Variants in PDE4D observed in about 807,000 individuals in gnomAD.
PDE4D encodes the protein 3',5'-cyclic-AMP phosphodiesterase 4D.
In PDE4D, 24 loss-of-function variants were observed where a neutral mutation model predicts 87.4. That is an observed-to-expected ratio of 0.27 (90% CI 0.20 to 0.39). The LOEUF is 0.39. PDE4D is among the 10% of genes least tolerant of loss of function. The pLI, the probability that PDE4D is intolerant of heterozygous loss-of-function variation, is 1.00. For synonymous variants in PDE4D, 384 were observed against 383.2 expected, an observed-to-expected ratio of 1.00 and a Z score of -0.02; for missense variants, 714 against 1,041.0, an observed-to-expected ratio of 0.69 and a Z score of 4.32.
At position 59,592,945 on chromosome 5, in the gene PDE4D, AAC is replaced by A. The variant is rs1826115880; in HGVS notation, c.455+300221_455+300222del. Among the ~76,000 whole-genome samples the A allele has an allele frequency of 2.0e-5, 3 of 152,082 alleles. No homozygotes were observed. In the South Asian group the frequency reaches 6.2e-4, roughly 32 times the overall value. ...TTATCCGTAGCATGGAAGTAATACA[AAC>A]ACTTAGATTATTATAATTTTAACTT... On this transcript the variant is annotated intron_variant, in intron 1 of 14. Transcript: ENST00000340635.
intron 4 of PDE4D, among the ~76,000 whole-genome samples, chr5:59,184,669 T>C (rs980324584): frequency 9.2e-5 from 14 of 152,196 alleles, no homozygotes; most frequent in South Asian, 2.1e-4. Context: ...CCTGAAATGA[T>C]AATCCTTTCC....
At chr5:59,111,210 T>A (rs948464185) in intron 5 of PDE4D, among the ~76,000 whole-genome samples, 6 of 152,200 alleles carry the variant, frequency 3.9e-5, no homozygotes, top group African/African-American at 1.2e-4. Context: ...TGCAAACTAG[T>A]GAGAAGTGGC....
In PDE4D at chr5:58,972,657, T is replaced by C. The variant is rs1205518166; in HGVS notation, c.*2007A>G. 2 of 152,172 alleles carry C rather than the reference T, an allele frequency of 1.3e-5. No individual in the cohort carries two copies. Among genetic ancestry groups the C allele is most frequent in the Non-Finnish European group, 2.9e-5 (2 of 68,028 alleles). 9.4% of individuals were successfully genotyped at this position (152,172 alleles called of 1,614,324 possible). ...ATCTATCTCAATTCTTGAATATCAA[T>C]GTGAAAAATGATTATTTGGGCTTTA... is the stretch of plus-strand genomic sequence containing the variant. On this transcript the variant is annotated 3_prime_UTR_variant, in exon 15 of 15. Transcript: ENST00000340635.
At chr5:59,946,054 C>T (rs1250023824) in intron 3 of PDE4D, among the ~76,000 whole-genome samples, 1 of 152,196 alleles carries the variant, frequency 6.6e-6, no homozygotes, top group Admixed American at 6.5e-5. Flanking sequence ...TGATGAACAG[C>T]TCAACAGATC....
intron 1 of PDE4D, among the ~76,000 whole-genome samples, chr5:59,714,954 T>C (rs986749565): frequency 2.6e-5 from 4 of 152,174 alleles, no homozygotes; most frequent in Admixed American, 1.3e-4. Context: ...TGACCACAGA[T>C]GGTTTTGGCT....
At chr5:60,066,899 C>G (rs1772163280) in intron 2 of PDE4D, among the ~76,000 whole-genome samples, 1 of 152,086 alleles carries the variant, frequency 6.6e-6, no homozygotes, top group Admixed American at 6.6e-5. Flanking sequence ...TTTACTGTCA[C>G]ACAATTATGT....
intron 1 of PDE4D, among the ~76,000 whole-genome samples, chr5:60,280,309 C>T (rs1224627470): frequency 7.3e-6 from 1 of 136,706 alleles, no homozygotes; most frequent in Admixed American, 7.4e-5. Context: ...CCTCTATATA[C>T]ATACATATAT....
chr5:59,090,403 C>G (rs971909658), intron 5 of PDE4D, among the ~76,000 whole-genome samples: 1 of 152,054 alleles, frequency 6.6e-6, no homozygotes, highest in Non-Finnish European at 1.5e-5. Context: ...GGACATCTCT[C>G]CACAGGGAGA....
chr5:60,309,129 A>G (rs569720351), intron 1 of PDE4D, among the ~76,000 whole-genome samples: 5 of 151,990 alleles, frequency 3.3e-5, no homozygotes, highest in African/African-American at 1.2e-4. Flanking sequence ...GTGATGGGTG[A>G]GTCTGTCAAG....
At chr5:60,038,438 T>C (rs1175023983) in intron 2 of PDE4D, among the ~76,000 whole-genome samples, 1 of 152,120 alleles carries the variant, frequency 6.6e-6, no homozygotes, top group Non-Finnish European at 1.5e-5. Context: ...TAGTTGTAGA[T>C]ATGCGGCGTT....
At chr5:60,421,893 G>A (rs549265309) in intron 1 of PDE4D, among the ~76,000 whole-genome samples, 8 of 152,332 alleles carry the variant, frequency 5.3e-5, no homozygotes, top group African/African-American at 1.9e-4. Flanking sequence ...ACTTCGTGAT[G>A]CATGCACAAG....
chr5:59,771,013 C>G lies in PDE4D; in HGVS notation c.455+122155G>C, dbSNP rs549381653. The stretch of plus-strand genomic sequence containing the variant: ...GAGTGTGGTGGCATGCGTCTGCAGT[C>G]CCAGGCTACTCAGGAGGCTGAGATG... On this transcript the variant is annotated intron_variant, in intron 1 of 14. Coordinates refer to ENST00000340635, the MANE Select transcript of PDE4D (RefSeq NM_001104631.2). Among the ~76,000 whole-genome samples, 4 of 151,998 alleles carry G rather than the reference C, an allele frequency of 2.6e-5. No homozygotes were observed. The South Asian group carries it at 8.3e-4, about 32-fold the overall frequency.
chr5:59,859,617 AT>A (rs1305837202), intron 1 of PDE4D, among the ~76,000 whole-genome samples: 11 of 152,302 alleles, frequency 7.2e-5, no homozygotes, highest in African/African-American at 2.6e-4. Context: ...AACCAACTAA[AT>A]TTTCACCAAA....
chr5:59,911,796 T>G (rs13359864), intron 3 of PDE4D, among the ~76,000 whole-genome samples: 12,849 of 152,246 alleles, frequency 0.084, 1,168 homozygotes, highest in African/African-American at 0.23. Flanking sequence ...AATGATCTTT[T>G]GATGAGGTCT....
intron 1 of PDE4D, among the ~76,000 whole-genome samples, chr5:59,523,213 A>G (rs1389767640): frequency 6.6e-6 from 1 of 152,180 alleles, no homozygotes; most frequent in Non-Finnish European, 1.5e-5. Flanking sequence ...TACACCTGCA[A>G]AAGCAGAAGC....
intron 1 of PDE4D, among the ~76,000 whole-genome samples, chr5:59,679,812 C>T (rs1455515788): frequency 6.6e-6 from 1 of 152,008 alleles, no homozygotes; most frequent in Admixed American, 6.6e-5. Context: ...TAATAATGTA[C>T]ATGTATGTAA....
At chr5:59,391,757 C>T (rs1788284032) in intron 1 of PDE4D, among the ~76,000 whole-genome samples, 1 of 151,908 alleles carries the variant, frequency 6.6e-6, no homozygotes, top group Admixed American at 6.6e-5. Context: ...GGCAGGAGGA[C>T]TTTTTGTACC....
rs185698594 is a variant in PDE4D, at chr5:58,999,352, A to G, written c.922-5887T>C. 32 of 355,744 alleles carry G rather than the reference A, an allele frequency of 9.0e-5. No homozygotes were observed. The Admixed American group carries it at 1.1e-3, about 12-fold the overall frequency. The allele number at this position is 355,744 out of a possible 1,614,324, so 22.0% of individuals were successfully genotyped here. ...ATACAATCTTATCTTGACCACTATT[A>G]ACACGTATTTCTTCCTAGTTCATGT... On this transcript the variant is annotated intron_variant, in intron 6 of 14. Coordinates refer to ENST00000340635, the MANE Select transcript of PDE4D (RefSeq NM_001104631.2).
intron 5 of PDE4D, among the ~76,000 whole-genome samples, chr5:59,096,925 G>GT (rs1315333996): frequency 6.6e-6 from 1 of 152,144 alleles, no homozygotes; most frequent in East Asian, 1.9e-4. Flanking sequence ...GGACACAAGT[G>GT]TGTAACAACC....
Sources: gnomAD v4.1 joint callset for allele counts (sites outside exome capture counted in the v4.1 genomes callset) on GRCh38, gnomAD v4.1.1 for gene constraint, MANE v1.5 for transcripts, NCBI Gene and HGNC (gene_info 2026-07-23, HGNC 2026-07-21) for gene names.